TGM6: variants seen among roughly 807,000 people sequenced by gnomAD.
TGM6 encodes the protein protein-glutamine gamma-glutamyltransferase 6.
Under a neutral mutation model 77.5 loss-of-function variants are expected in TGM6, and 74 were observed. That is an observed-to-expected ratio of 0.96 (90% CI 0.79 to 1.16). The LOEUF (loss-of-function observed/expected upper bound fraction) is 1.16, where lower values mean the gene tolerates loss of function less well. Ranked by LOEUF, TGM6 falls within the 50% of genes most tolerant of loss-of-function variation. TGM6 has a pLI of 0.00. For missense variants in TGM6, 968 were observed against 940.2 expected (o/e 1.03, Z -0.39); for synonymous variants, 383 against 378.9 (o/e 1.01, Z -0.12).
Position 2,380,941 on chromosome 20 carries a change from G to T in TGM6, c.-28G>T. ...GACGGTGCACACACTGCTGTGTGGAGGAACAGAGGAGTCCAGCTGGCCTTC... is the reference window on the plus strand; with the variant it reads ...GACGGTGCACACACTGCTGTGTGGATGAACAGAGGAGTCCAGCTGGCCTTC... On this transcript the variant is annotated 5_prime_UTR_variant, in exon 1 of 13. In the 5' UTR this introduces an upstream ATG that the reference lacks. Transcript: ENST00000202625. 6.2e-7 allele frequency: 1 copy of T among 1,604,786 alleles called. No homozygotes were observed. The highest frequency in any genetic ancestry group is 8.5e-7 in the Non-Finnish European group (1 of 1,177,264).
chr20:2,430,738 A>C, intron 11 of TGM6, 138 bp downstream of exon 11: 1 of 1,585,886 alleles, frequency 6.3e-7, no homozygotes, highest in Non-Finnish European at 8.6e-7. Context: ...TGGGTTGGAC[A>C]TAAGGGGATG....
chr20:2,403,620 G>C lies in TGM6; in HGVS notation c.1133G>C (p.Arg378Pro). The C allele has an allele frequency of 6.2e-7, 1 of 1,614,122 alleles. No individual in the cohort carries two copies. Residue 378 changes from arginine to proline, a missense_variant, in exon 9 of 13, where the codon CGC becomes CCC. Physicochemically the swap from Arg to Pro is moderately radical, Grantham distance 103. Transcript: ENST00000202625. ...RCGPASVTAI[R>P]EGDVHLAHDG... ...GGCCCAGCCTCAGTCACCGCCATCC[G>C]CGAGGGTGATGTGCACCTGGCTCAC... is the stretch of plus-strand genomic sequence containing the variant.
In TGM6 at chr20:2,394,449, C is replaced by T. The variant is rs1228345064; in HGVS notation, c.8-3C>T. 6.2e-7 allele frequency: 1 copy of T among 1,611,366 alleles called. No homozygotes were observed. Among genetic ancestry groups the T allele is most frequent in the Admixed American group, 1.7e-5 (1 of 60,024 alleles). On this transcript the variant is annotated splice_region_variant and splice_polypyrimidine_tract_variant and intron_variant, in intron 1 of 12. Transcript: ENST00000202625. ...CTCATCTCCCTGTCCTCTCCCCACCCAGGGATCAGAGTCACCAAGGTGGAC... is the reference window on the plus strand; with the variant it reads ...CTCATCTCCCTGTCCTCTCCCCACCTAGGGATCAGAGTCACCAAGGTGGAC...
chr20:2,403,248 G>A, intron 7 of TGM6, 149 bp from the exon 8 acceptor site: 3 of 764,498 alleles, frequency 3.9e-6, no homozygotes, highest in South Asian at 3.0e-5. Context: ...TGAATGCTGT[G>A]TGCTCATTCA....
At chr20:2,402,932 T>C (rs1164305054) in intron 7 of TGM6, among the ~76,000 whole-genome samples, 8 of 152,198 alleles carry the variant, frequency 5.3e-5, no homozygotes, top group Admixed American at 1.3e-4. Flanking sequence ...TAGAATATTG[T>C]TCCCTTCACT....
In TGM6 at chr20:2,430,850, G is replaced by A. The variant is rs778401535; in HGVS notation, c.1834-44G>A. The A allele has an allele frequency of 1.1e-4, 170 of 1,613,990 alleles. No homozygotes were observed. The South Asian group carries it at 1.8e-3, about 17-fold the overall frequency. ...GCCAGGACCATCGGTTTCCTGGAGG[G>A]AGGAGGGGTAGGCGCGATGGCTCAT... On this transcript the variant is annotated intron_variant, in intron 11 of 12. Transcript: ENST00000202625.
rs1470312023 is a variant in TGM6, at chr20:2,400,458, C to G, written c.989+14C>G. The G allele has an allele frequency of 1.2e-6, 2 of 1,614,016 alleles. No homozygotes were observed. Among genetic ancestry groups the G allele is most frequent in the East Asian group, 2.2e-5 (1 of 44,866 alleles). On this transcript the variant is annotated intron_variant, in intron 7 of 12. Coordinates refer to ENST00000202625, the MANE Select transcript of TGM6 (RefSeq NM_198994.3). Reference sequence around the variant, plus strand: ...AGACAGCATGTGGTGGGTCCTGCCCCCAGCCTAGGCCCGAGGGCTCTGGAA... The same window carrying G: ...AGACAGCATGTGGTGGGTCCTGCCCGCAGCCTAGGCCCGAGGGCTCTGGAA...
chr20:2,421,409 C>T (rs2084855785), intron 10 of TGM6, among the ~76,000 whole-genome samples: 1 of 152,212 alleles, frequency 6.6e-6, no homozygotes, highest in Non-Finnish European at 1.5e-5. Flanking sequence ...GAATTCCCAC[C>T]AGGAATATAT....
intron 10 of TGM6, among the ~76,000 whole-genome samples, chr20:2,423,641 C>G (rs773466987): frequency 2.0e-5 from 3 of 152,146 alleles, no homozygotes; most frequent in Middle Eastern, 3.2e-3. Flanking sequence ...TTCTTTCCAA[C>G]TCCTATTAAT....
chr20:2,400,789 G>A (rs573574574), intron 7 of TGM6, among the ~76,000 whole-genome samples: 114 of 152,228 alleles, frequency 7.5e-4, no homozygotes, highest in Non-Finnish European at 1.4e-3. Flanking sequence ...TCCTGCTTCC[G>A]TATCAGCTGC....
intron 1 of TGM6, among the ~76,000 whole-genome samples, chr20:2,386,576 G>T (rs906088073): frequency 2.0e-5 from 3 of 152,180 alleles, no homozygotes; most frequent in Non-Finnish European, 4.4e-5. Flanking sequence ...GGCGGTGAGT[G>T]AGCTACCTCT....
At position 2,427,586 on chromosome 20, in the gene TGM6, G is replaced by A. The variant is rs117100128; in HGVS notation, c.1679-2860G>A. Among the ~76,000 whole-genome samples the A allele has an allele frequency of 1.9e-4, 29 of 152,266 alleles. No individual in the cohort carries two copies. The East Asian group carries it at 5.0e-3, about 26-fold the overall frequency. On this transcript the variant is annotated intron_variant, in intron 10 of 12. Transcript: ENST00000202625. ...TTATTTCTTTTCTTCTGCTTAAGAT[G>A]AGTTTAACGTGTTCTCCTTTTTATA...
intron 1 of TGM6, among the ~76,000 whole-genome samples, chr20:2,384,792 T>C (rs1400057439): frequency 1.3e-5 from 2 of 152,144 alleles, no homozygotes; most frequent in African/African-American, 4.8e-5. Context: ...CTGGAGGGGC[T>C]ATGAGGCTTG....
chr20:2,387,990 G>T (rs1204252785), intron 1 of TGM6, among the ~76,000 whole-genome samples: 11 of 152,188 alleles, frequency 7.2e-5, no homozygotes, highest in Non-Finnish European at 1.6e-4. Context: ...TGGCATGGTG[G>T]CTGGGTTCTA....
intron 1 of TGM6, among the ~76,000 whole-genome samples, chr20:2,381,514 T>C (rs913700390): frequency 5.3e-5 from 8 of 152,176 alleles, no homozygotes; most frequent in Non-Finnish European, 7.4e-5. Context: ...ATCTGTGTAA[T>C]GGGGATTATA....
At chr20:2,426,209 C>A (rs1199846138) in intron 10 of TGM6, among the ~76,000 whole-genome samples, 1 of 151,938 alleles carries the variant, frequency 6.6e-6, no homozygotes, top group Non-Finnish European at 1.5e-5. Flanking sequence ...TTGTGTAGAT[C>A]TTGTACATAT....
At chr20:2,426,299 A>G (rs2084887288) in intron 10 of TGM6, among the ~76,000 whole-genome samples, 1 of 151,978 alleles carries the variant, frequency 6.6e-6, no homozygotes, top group East Asian at 1.9e-4. Context: ...TTAATTTCCA[A>G]TTGTTCATTG....
chr20:2,382,683 T>C (rs950348541), intron 1 of TGM6, among the ~76,000 whole-genome samples: 1 of 152,188 alleles, frequency 6.6e-6, no homozygotes. Context: ...CTCAGAGCAG[T>C]AGGTCCTGCC....
At chr20:2,395,147 G>T (rs1328986335) in intron 2 of TGM6, 47 bp from the exon 3 acceptor site, 1 of 1,603,038 alleles carries the variant, frequency 6.2e-7, no homozygotes. Flanking sequence ...CTCTAAAGCT[G>T]GGTTTCCCAG....
Sources: gnomAD v4.1 joint callset for allele counts (sites outside exome capture counted in the v4.1 genomes callset) on GRCh38, gnomAD v4.1.1 for gene constraint, MANE v1.5 for transcripts, NCBI Gene and HGNC (gene_info 2026-07-23, HGNC 2026-07-21) for gene names.